The following PKHD1L1 variants were observed in gnomAD, a reference collection of about 807,000 sequenced individuals.
PKHD1L1 encodes PKHD1 like 1, also known as fibrocystin-L.
A neutral mutation model predicts 462.9 loss-of-function variants in PKHD1L1; 434 were observed. The observed-to-expected ratio is 0.94, with a 90% CI of 0.87 to 1.02. The LOEUF (loss-of-function observed/expected upper bound fraction) is 1.02, where lower values mean the gene tolerates loss of function less well. PKHD1L1 is among the 50% of genes least tolerant of loss of function. The pLI is 0.00. For synonymous variants in PKHD1L1, 1,781 were observed against 1,750.0 expected, an observed-to-expected ratio of 1.02 and a Z score of -0.44; for missense variants, 5,202 against 5,096.1, an observed-to-expected ratio of 1.02 and a Z score of -0.63.
chr8:109,433,305 G>A, intron 28 of PKHD1L1, 89 bp downstream of exon 28: 7 of 1,100,008 alleles, frequency 6.4e-6, no homozygotes, highest in Non-Finnish European at 9.5e-6. Context: ...TCTTGATCGT[G>A]TACAATTATC....
In PKHD1L1 at chr8:109,436,292, T is replaced by C. The variant is rs771158970; in HGVS notation, c.3506-46T>C. 11 of 1,562,580 alleles carry C rather than the reference T, an allele frequency of 7.0e-6. No individual in the cohort carries two copies. In the South Asian group the frequency reaches 1.1e-4, roughly 15 times the overall value. ...ATGTTACTAACATTTCTTTTTGTTA[T>C]AGTTGAACTGTTTTGTTGTTGTTTT... On this transcript the variant is annotated intron_variant, in intron 29 of 77. Coordinates refer to ENST00000378402, the MANE Select transcript of PKHD1L1 (RefSeq NM_177531.6).
chr8:109,366,095 G>T (rs1054183753), intron 2 of PKHD1L1, among the ~76,000 whole-genome samples: 1 of 152,100 alleles, frequency 6.6e-6, no homozygotes, highest in African/African-American at 2.4e-5. Flanking sequence ...TCCCTAGTTT[G>T]AAATAAAAAA....
chr8:109,485,750 T>G (rs1011942088), intron 58 of PKHD1L1, among the ~76,000 whole-genome samples: 1 of 151,854 alleles, frequency 6.6e-6, no homozygotes, highest in Non-Finnish European at 1.5e-5. Flanking sequence ...CAGATGCCCA[T>G]GATGCTCATG....
Position 109,435,791 on chromosome 8 carries a change from C to T in PKHD1L1, c.3505+437C>T, listed in dbSNP as rs1563538967. ...AACATAACACATTTTTCCTGTCCTG[C>T]TTCATTTCCTTTGTACATTTGTTTG... On this transcript the variant is annotated intron_variant, in intron 29 of 77. Coordinates refer to ENST00000378402, the MANE Select transcript of PKHD1L1 (RefSeq NM_177531.6). Among the ~76,000 whole-genome samples the T allele has an allele frequency of 2.6e-5, 4 of 152,110 alleles. No individual in the cohort carries two copies. The South Asian group carries it at 8.3e-4, about 31-fold the overall frequency.
intron 8 of PKHD1L1, 61 bp from the exon 9 acceptor site, chr8:109,390,391 A>C: frequency 1.1e-6 from 1 of 906,414 alleles, no homozygotes; most frequent in Non-Finnish European, 1.6e-6. Flanking sequence ...TTTATAATAT[A>C]GAGTTATTGT....
chr8:109,503,568 G>T (rs1467646677), intron 67 of PKHD1L1, among the ~76,000 whole-genome samples: 3 of 152,168 alleles, frequency 2.0e-5, no homozygotes, highest in South Asian at 2.1e-4. Context: ...GTCACCTTTT[G>T]CTTTTCTGTT....
At chr8:109,398,428 A>G (rs1184408893) in intron 11 of PKHD1L1, 31 bp from the exon 12 acceptor site, 20 of 1,289,022 alleles carry the variant, frequency 1.6e-5, no homozygotes, top group Non-Finnish European at 2.1e-5. Flanking sequence ...AAGTTTCAGT[A>G]GTAACGGTTT....
At chr8:109,398,982 CTA>C (rs916910061) in intron 12 of PKHD1L1, among the ~76,000 whole-genome samples, 11 of 152,226 alleles carry the variant, frequency 7.2e-5, no homozygotes, top group East Asian at 3.9e-4. Context: ...AAATGTTACT[CTA>C]AATTCTTTTC....
At chr8:109,500,673 C>CAA (rs34827783) in intron 67 of PKHD1L1, among the ~76,000 whole-genome samples, 1,055 of 47,194 alleles carry the variant, frequency 0.022, 39 homozygotes, top group Middle Eastern at 0.057. Flanking sequence ...AACTCTGTCT[C>CAA]AAAAAAAAAA....
At position 109,443,681 on chromosome 8, in the gene PKHD1L1, C is replaced by T. The variant is rs760759381; in HGVS notation, c.4570C>T (p.Pro1524Ser). The T allele has an allele frequency of 6.2e-7, 1 of 1,610,394 alleles. No homozygotes were observed. The highest frequency in any genetic ancestry group is 1.3e-5 in the African/African-American group (1 of 74,826). The change falls in exon 37 of 78, where the codon CCT becomes TCT. Residue 1524 changes from proline (P) to serine (S), a missense_variant. Physicochemically the swap from Pro to Ser is moderately conservative, Grantham distance 74 (BLOSUM62 -1). Coordinates refer to ENST00000378402, the MANE Select transcript of PKHD1L1 (RefSeq NM_177531.6). ...RSEATYAYGG[P>S]ENLHLGSSVA... ...GGCAGTTCTTTTGTCTAAAGGAGGA[C>T]CTGAGAATTTGCACTTGGGAAGCTC...
At chr8:109,383,155 ATT>A (rs1389703653) in intron 4 of PKHD1L1, among the ~76,000 whole-genome samples, 8 of 61,610 alleles carry the variant, frequency 1.3e-4, no homozygotes, top group African/African-American at 3.8e-4. Flanking sequence ...TATTATATAT[ATT>A]TATATATAAT....
intron 11 of PKHD1L1, among the ~76,000 whole-genome samples, chr8:109,397,156 G>A (rs754553600): frequency 6.6e-6 from 1 of 151,838 alleles, no homozygotes; most frequent in Non-Finnish European, 1.5e-5. Context: ...TTTTGCATAC[G>A]ACTATCATAC....
Position 109,522,238 on chromosome 8 carries a change from T to C in PKHD1L1, c.12084T>C (p.Ala4028=), listed in dbSNP as rs199680947. 5 of 1,605,412 alleles carry C rather than the reference T, an allele frequency of 3.1e-6. No individual in the cohort carries two copies. In the East Asian group the frequency reaches 1.1e-4, roughly 36 times the overall value. The stretch of plus-strand genomic sequence containing the variant: ...AAATTGCTGGTTCTCTTGGACAAGC[T>C]GTAATTTTAGGAAACATCAGTAGTA... ...LQEIAGSLGQ[A]VILGNISSIL... is the part of the protein sequence containing the mutation. The change falls in exon 74 of 78, where the codon GCT becomes GCC. Residue 4028 remains alanine (A), a synonymous_variant. Transcript: ENST00000378402.
rs1817290769 is a variant in PKHD1L1 at position 109,464,217 on chromosome 8, T to C, written c.7385T>C (p.Val2462Ala). 1 of 1,583,192 alleles carries C rather than the reference T, an allele frequency of 6.3e-7. No homozygotes were observed. The highest frequency in any genetic ancestry group is 8.6e-7 in the Non-Finnish European group (1 of 1,159,516). Residue 2462 changes from valine (V) to alanine (A), a missense_variant and splice_region_variant, in exon 49 of 78, where the codon GTA (valine) becomes GCA (alanine). This residue lies in a region of PKHD1L1 where 4,497 missense variants were observed against 4,336.8 expected (regional missense o/e 1.04). Coordinates refer to ENST00000378402, the MANE Select transcript of PKHD1L1 (RefSeq NM_177531.6). ...MVTGRIEYVEVFHAGQAFRLG... is the reference protein window; with the variant it reads ...MVTGRIEYVEAFHAGQAFRLG... ...AACTGTGATTTCTGGGCTTAACAGG[T>C]ATTCCATGCTGGCCAGGCTTTCCGG...
At chr8:109,402,061 G>A (rs1026199418) in intron 14 of PKHD1L1, among the ~76,000 whole-genome samples, 6 of 152,156 alleles carry the variant, frequency 3.9e-5, no homozygotes, top group Admixed American at 3.9e-4. Flanking sequence ...AGAACTGAAA[G>A]AGCATTCATT....
chr8:109,454,155 T>C lies in PKHD1L1; in HGVS notation c.6665-12T>C. The C allele has an allele frequency of 6.3e-7, 1 of 1,577,918 alleles. No homozygotes were observed. The highest frequency in any genetic ancestry group is 1.2e-5 in the South Asian group (1 of 84,012). ...TTCCTTGTGATGTATTTCAAAATTG[T>C]ATGATTCATAGGTGGGACTCTAATA... On this transcript the variant is annotated splice_polypyrimidine_tract_variant and intron_variant, in intron 43 of 77. Coordinates refer to ENST00000378402, the MANE Select transcript of PKHD1L1 (RefSeq NM_177531.6).
chr8:109,376,211 T>TC (rs913817663), intron 2 of PKHD1L1, among the ~76,000 whole-genome samples: 37 of 152,266 alleles, frequency 2.4e-4, no homozygotes, highest in Non-Finnish European at 4.6e-4. Context: ...TGGGTGCCCC[T>TC]CCCCCAGCCT....
intron 76 of PKHD1L1, among the ~76,000 whole-genome samples, chr8:109,525,232 A>T (rs946426941): frequency 6.6e-6 from 1 of 152,138 alleles, no homozygotes; most frequent in Non-Finnish European, 1.5e-5. Flanking sequence ...GGTAGAGGAG[A>T]TACAGGTTGT....
intron 77 of PKHD1L1, among the ~76,000 whole-genome samples, chr8:109,527,403 C>A (rs1170073388): frequency 6.6e-6 from 1 of 152,146 alleles, no homozygotes; most frequent in Admixed American, 6.5e-5. Context: ...ACTCAGGTGG[C>A]TGAGGCAGGA....
Sources: gnomAD v4.1 joint callset for allele counts (sites outside exome capture counted in the v4.1 genomes callset) on GRCh38, gnomAD v4.1.1 for gene constraint, gnomAD v4.1.1 regional missense constraint, MANE v1.5 for transcripts, NCBI Gene and HGNC (gene_info 2026-07-23, HGNC 2026-07-21) for gene names.